TMC5: variants seen among roughly 807,000 people sequenced by gnomAD.
TMC5 encodes transmembrane channel-like protein 5.
Under a neutral mutation model 110.5 loss-of-function variants are expected in TMC5, and 86 were observed. The observed-to-expected ratio is 0.78, with a 90% confidence interval of 0.65 to 0.93. The LOEUF (loss-of-function observed/expected upper bound fraction) is 0.93, where lower values mean the gene tolerates loss of function less well. Ranked by LOEUF, TMC5 falls within the 40% of genes least tolerant of loss-of-function variation. The pLI, the probability that TMC5 is intolerant of heterozygous loss-of-function variation, is 0.00. For synonymous variants in TMC5, 455 were observed against 439.5 expected, an observed-to-expected ratio of 1.04 and a Z score of -0.44; for missense variants, 1,144 against 1,222.8, an observed-to-expected ratio of 0.94 and a Z score of 0.96.
chr16:19,450,609 C>T (rs1048142745), intron 5 of TMC5, among the ~76,000 whole-genome samples: 2 of 152,172 alleles, frequency 1.3e-5, no homozygotes, highest in African/African-American at 4.8e-5. Flanking sequence ...CAATAGCAGG[C>T]CCACGTGAGC....
chr16:19,451,168 CAGAGG>C (rs1375883278), intron 5 of TMC5, among the ~76,000 whole-genome samples: 2 of 152,140 alleles, frequency 1.3e-5, no homozygotes, highest in African/African-American at 4.8e-5. Context: ...AATGAAGCAA[CAGAGG>C]AGAGAGACTA....
At chr16:19,450,613 C>T (rs1187301694) in intron 5 of TMC5, among the ~76,000 whole-genome samples, 4 of 152,316 alleles carry the variant, frequency 2.6e-5, no homozygotes, top group Admixed American at 6.5e-5. Flanking sequence ...AGCAGGCCCA[C>T]GTGAGCCCTC....
rs1025080152 is a variant in TMC5 at position 19,430,496 on chromosome 16, T to C, written c.-224T>C. On this transcript the variant is annotated 5_prime_UTR_variant, in exon 2 of 22. Coordinates refer to ENST00000542583, the MANE Select transcript of TMC5 (RefSeq NM_001261841.2). ...ACAGATTATAACCCTCCGTAAATCA[T>C]CTGCATCCCAGCTCCCATCAAAAGC... 5.9e-5 allele frequency: 9 copies of C among 152,474 alleles called. No homozygotes were observed. The highest frequency in any genetic ancestry group is 8.8e-5 in the Non-Finnish European group (6 of 68,050). The allele number at this position is 152,474 out of a possible 1,614,324, so 9.4% of individuals were successfully genotyped here. A position where few individuals can be genotyped will look rare whatever the true frequency, so the allele number is the denominator to read the frequency against.
At chr16:19,484,937 G>A (rs2143718164) in intron 15 of TMC5, among the ~76,000 whole-genome samples, 1 of 151,138 alleles carries the variant, frequency 6.6e-6, no homozygotes, top group East Asian at 1.9e-4. Context: ...TTGATGATGA[G>A]TTTTACAAGA....
In TMC5 at chr16:19,463,957, T is replaced by A; in HGVS notation, c.1418T>A (p.Ile473Asn). The A allele has an allele frequency of 6.2e-7, 1 of 1,614,172 alleles. No homozygotes were observed. Among genetic ancestry groups the A allele is most frequent in the Non-Finnish European group, 8.5e-7 (1 of 1,180,028 alleles). ...ATCCTGAACTTCAGCTTCATCATAATCCCTCAGTTTACCGTGGCCAAAAAG... is the reference window on the plus strand; with the variant it reads ...ATCCTGAACTTCAGCTTCATCATAAACCCTCAGTTTACCGTGGCCAAAAAG... The part of the protein sequence containing the change: ...SFILNFSFII[I>N]PQFTVAKKNT... Residue 473 changes from isoleucine to asparagine, a missense_variant, in exon 8 of 22, where the codon ATC becomes AAC. Ile to Asn is a moderately radical substitution (Grantham distance 149). Transcript: ENST00000542583.
intron 9 of TMC5, among the ~76,000 whole-genome samples, chr16:19,468,515 G>C (rs1191927334): frequency 6.6e-6 from 1 of 151,976 alleles, no homozygotes. Flanking sequence ...CCCCAGAACT[G>C]GTGAATATGT....
At chr16:19,428,291 T>C (rs1049071475) in intron 1 of TMC5, among the ~76,000 whole-genome samples, 2 of 151,998 alleles carry the variant, frequency 1.3e-5, no homozygotes, top group Non-Finnish European at 2.9e-5. Context: ...AACTCTTTCT[T>C]CTCAAATTTC....
chr16:19,477,054 G>A (rs1251388102), intron 12 of TMC5: 1 of 219,872 alleles, frequency 4.5e-6, no homozygotes, highest in Non-Finnish European at 9.2e-6. Flanking sequence ...AGACCATCCT[G>A]GCTAACATGG....
chr16:19,461,358 G>T (rs1309373790), intron 6 of TMC5, among the ~76,000 whole-genome samples: 1 of 152,146 alleles, frequency 6.6e-6, no homozygotes, highest in African/African-American at 2.4e-5. Flanking sequence ...GGCAGATCAT[G>T]AGGTCAGGAG....
intron 5 of TMC5, among the ~76,000 whole-genome samples, chr16:19,455,118 G>C (rs1027059459): frequency 6.6e-6 from 1 of 152,026 alleles, no homozygotes; most frequent in Admixed American, 6.6e-5. Flanking sequence ...CTGGGAAACA[G>C]AGCAAGACCT....
chr16:19,494,511 A>C, intron 20 of TMC5, 145 bp downstream of exon 20: 1 of 593,670 alleles, frequency 1.7e-6, no homozygotes, highest in Non-Finnish European at 3.0e-6. Context: ...GTTTTTACTT[A>C]AAAAGTAATA....
At chr16:19,477,195 C>T in intron 12 of TMC5, 1 of 339,590 alleles carries the variant, frequency 2.9e-6, no homozygotes, top group Non-Finnish European at 5.6e-6. Context: ...TTGCAGTGAG[C>T]TGAGATCGCG....
At chr16:19,422,012 C>T (rs543185809) in intron 1 of TMC5, among the ~76,000 whole-genome samples, 3 of 152,040 alleles carry the variant, frequency 2.0e-5, no homozygotes, top group East Asian at 1.9e-4. Flanking sequence ...GGGCGGATCA[C>T]GAGGTCAGGA....
Position 19,431,404 on chromosome 16 carries a change from T to G in TMC5, c.-80+764T>G, listed in dbSNP as rs2003798. On this transcript the variant is annotated intron_variant, in intron 2 of 21. Coordinates refer to ENST00000542583, the MANE Select transcript of TMC5 (RefSeq NM_001261841.2). ...AAAAATACAAAAAATTAGCTGGGCA[T>G]GGTGGCAGGTGCCTGTAATCCCAGC... is the stretch of plus-strand genomic sequence containing the variant. Among the ~76,000 whole-genome samples the G allele has an allele frequency of 7.9e-5, 12 of 152,130 alleles. 1 individual carries two copies. The South Asian group carries it at 2.5e-3, about 32-fold the overall frequency.
intron 3 of TMC5, among the ~76,000 whole-genome samples, chr16:19,442,155 A>C (rs1967503997): frequency 6.6e-6 from 1 of 152,086 alleles, no homozygotes; most frequent in African/African-American, 2.4e-5. Context: ...GATTCTGTAG[A>C]TCTAAATTTT....
intron 1 of TMC5, among the ~76,000 whole-genome samples, chr16:19,429,941 C>T (rs1967162631): frequency 6.6e-6 from 1 of 152,034 alleles, no homozygotes; most frequent in African/African-American, 2.4e-5. Flanking sequence ...TGATTACCTC[C>T]ACCGAGATCC....
intron 18 of TMC5, among the ~76,000 whole-genome samples, chr16:19,491,495 G>A (rs567316431): frequency 6.6e-6 from 1 of 151,776 alleles, no homozygotes; most frequent in Non-Finnish European, 1.5e-5. Flanking sequence ...CTGGGGGAAG[G>A]GGGGAAAGGT....
At chr16:19,462,060 G>T (rs1968037243) in intron 6 of TMC5, among the ~76,000 whole-genome samples, 1 of 152,152 alleles carries the variant, frequency 6.6e-6, no homozygotes. Flanking sequence ...GAAAGAACCA[G>T]AACAAAGCAG....
chr16:19,426,330 C>T (rs1224600854), intron 1 of TMC5, among the ~76,000 whole-genome samples: 1 of 152,202 alleles, frequency 6.6e-6, no homozygotes, highest in Non-Finnish European at 1.5e-5. Context: ...AGCTTCATTG[C>T]CTCCTGCCAC....
Sources: gnomAD v4.1 joint callset for allele counts (sites outside exome capture counted in the v4.1 genomes callset) on GRCh38, gnomAD v4.1.1 for gene constraint, MANE v1.5 for transcripts, NCBI Gene and HGNC (gene_info 2026-07-23, HGNC 2026-07-21) for gene names.